Variants in ABL1 observed in about 807,000 individuals in gnomAD.
The protein encoded by ABL1 is ABL proto-oncogene 1, non-receptor tyrosine kinase.
A neutral mutation model predicts 94.7 loss-of-function variants in ABL1; 11 were observed. The ratio of observed to expected loss-of-function variants is 0.12; its 90% CI spans 0.07 to 0.19. ABL1 has a LOEUF of 0.19. Ranked by LOEUF, ABL1 falls within the 10% of genes least tolerant of loss-of-function variation. ABL1 has a pLI of 1.00. For synonymous variants in ABL1, 656 were observed against 622.4 expected (o/e 1.05, Z -0.80); for missense variants, 1,082 against 1,489.4 (o/e 0.73, Z 4.50).
intron 1 of ABL1, among the ~76,000 whole-genome samples, chr9:130,796,724 T>A (rs1829977718): frequency 6.6e-6 from 1 of 150,630 alleles, no homozygotes; most frequent in African/African-American, 2.5e-5. Flanking sequence ...GGTAAAAAAA[T>A]AAATAAATAA....
intron 1 of ABL1, among the ~76,000 whole-genome samples, chr9:130,804,832 T>C (rs1830104661): frequency 6.6e-6 from 1 of 152,202 alleles, no homozygotes; most frequent in Admixed American, 6.5e-5. Context: ...GAAGGATGCA[T>C]AGACTTGTTT....
chr9:130,841,934 G>T (rs992435197), intron 1 of ABL1, among the ~76,000 whole-genome samples: 1 of 139,316 alleles, frequency 7.2e-6, no homozygotes, highest in African/African-American at 3.1e-5. Context: ...GTGGGAAGGA[G>T]ATAGAGAGAG....
At position 130,884,239 on chromosome 9, in the gene ABL1, C is replaced by T. The variant is rs1831522458; in HGVS notation, c.1949C>T (p.Pro650Leu). ...DISNGALAFT[P>L]LDTADPAKSP... ...AGCAACGGGGCACTGGCTTTCACCC[C>T]CTTGGACACAGCTGACCCAGCCAAG... is the stretch of plus-strand genomic sequence containing the variant. The change falls in exon 11 of 11, where the codon CCC (proline) becomes CTC (leucine). Residue 650 changes from proline to leucine, a missense_variant. Around this residue, in one of 7 missense-constraint regions of ABL1, gnomAD observed 780 missense variants for 835.8 expected, o/e 0.93. Coordinates refer to ENST00000318560, the MANE Select transcript of ABL1 (RefSeq NM_005157.6). This position sits in a 1 kb window ranked among gnomAD's most constrained non-coding sequence, Gnocchi z 5.6. 4 of 1,604,592 alleles carry T rather than the reference C, an allele frequency of 2.5e-6. No homozygotes were observed. Among genetic ancestry groups the T allele is most frequent in the Non-Finnish European group, 3.4e-6 (4 of 1,175,902 alleles).
At chr9:130,843,063 C>T (rs1176739910) in intron 1 of ABL1, among the ~76,000 whole-genome samples, 3 of 152,212 alleles carry the variant, frequency 2.0e-5, no homozygotes, top group African/African-American at 4.8e-5. Flanking sequence ...TTCAACTTTA[C>T]TATCTGTCAT....
intron 8 of ABL1, among the ~76,000 whole-genome samples, chr9:130,879,303 C>G (rs934752076): frequency 2.0e-5 from 3 of 152,202 alleles, no homozygotes; most frequent in African/African-American, 2.4e-5. Context: ...TGTTTTCCCA[C>G]ACATGTCTTT....
At chr9:130,725,976 G>C (rs929989725) in intron 1 of ABL1, among the ~76,000 whole-genome samples, 4 of 150,216 alleles carry the variant, frequency 2.7e-5, no homozygotes, top group African/African-American at 9.8e-5. Context: ...AGCCTCTCGA[G>C]TAGCTGGGAC....
At position 130,885,578 on chromosome 9, in the gene ABL1, G is replaced by A. The variant is rs1831565241; in HGVS notation, c.3288G>A (p.Glu1096=). The A allele has an allele frequency of 1.2e-6, 2 of 1,613,968 alleles. No individual in the cohort carries two copies. The highest frequency in any genetic ancestry group is 1.7e-6 in the Non-Finnish European group (2 of 1,180,050). The change falls in exon 11 of 11, where the codon GAG becomes GAA. Residue 1096 remains glutamate, a synonymous_variant. Coordinates refer to ENST00000318560, the MANE Select transcript of ABL1 (RefSeq NM_005157.6). ...AINKLENNLR[E]LQICPATAGS... is the part of the protein sequence containing the mutation. ...ACAAACTGGAGAATAATCTCCGGGAGCTTCAGATCTGCCCGGCGACAGCAG... is the reference window on the plus strand; with the variant it reads ...ACAAACTGGAGAATAATCTCCGGGAACTTCAGATCTGCCCGGCGACAGCAG...
intron 1 of ABL1, among the ~76,000 whole-genome samples, chr9:130,823,505 G>A (rs1830389922): frequency 6.6e-6 from 1 of 152,122 alleles, no homozygotes; most frequent in African/African-American, 2.4e-5. Flanking sequence ...GACAGTCGCG[G>A]TCCTGGAGGG....
At chr9:130,845,971 G>T (rs1283875098) in intron 1 of ABL1, among the ~76,000 whole-genome samples, 1 of 152,072 alleles carries the variant, frequency 6.6e-6, no homozygotes, top group Non-Finnish European at 1.5e-5. Context: ...GCTACTGCTG[G>T]TTCTTTACGT....
At chr9:130,828,734 G>C (rs990467625) in intron 1 of ABL1, among the ~76,000 whole-genome samples, 2 of 151,968 alleles carry the variant, frequency 1.3e-5, no homozygotes, top group Admixed American at 1.3e-4. Flanking sequence ...AAGAAAATTA[G>C]AAACTCAATC....
At chr9:130,803,912 GAATT>G (rs1406575814) in intron 1 of ABL1, among the ~76,000 whole-genome samples, 1 of 152,110 alleles carries the variant, frequency 6.6e-6, no homozygotes, top group Non-Finnish European at 1.5e-5. Flanking sequence ...AGTGTTTTAA[GAATT>G]AATGAGGCAA....
rs1472186366 is a variant in ABL1 at position 130,862,577 on chromosome 9, G to T, written c.550-186G>T. On this transcript the variant is annotated intron_variant, in intron 3 of 10. Transcript: ENST00000318560. This position sits in a 1 kb window ranked among gnomAD's most constrained non-coding sequence, Gnocchi z 5.5. ...TTTTATTGTGTCTTTTTGCTTGAGC[G>T]AGTAACTTAGAGCACACGTAGAGAA... Among the ~76,000 whole-genome samples the T allele has an allele frequency of 2.0e-5, 3 of 152,144 alleles. No individual in the cohort carries two copies. The highest frequency in any genetic ancestry group is 6.5e-5 in the Admixed American group (1 of 15,274).
chr9:130,725,009 C>A, intron 1 of ABL1: 1 of 267,968 alleles, frequency 3.7e-6, no homozygotes, highest in South Asian at 4.1e-5. Flanking sequence ...ACGTGTGCAT[C>A]ATATTGCAAC....
chr9:130,790,847 G>C (rs1229463521), intron 1 of ABL1, among the ~76,000 whole-genome samples: 1 of 152,168 alleles, frequency 6.6e-6, no homozygotes, highest in Non-Finnish European at 1.5e-5. Context: ...ATTCAATTAA[G>C]TAGGGAATTC....
At chr9:130,817,355 A>G (rs1430750223) in intron 1 of ABL1, among the ~76,000 whole-genome samples, 1 of 152,240 alleles carries the variant, frequency 6.6e-6, no homozygotes, top group Non-Finnish European at 1.5e-5. Flanking sequence ...TGGCATGCTT[A>G]TACTGGTCCA....
intron 1 of ABL1, among the ~76,000 whole-genome samples, chr9:130,750,401 C>T (rs1309722409): frequency 0.016 from 121 of 7,582 alleles, 2 homozygotes; most frequent in Admixed American, 0.018. Context: ...CCTTCCCTTC[C>T]TCCCTCCCTC....
chr9:130,822,829 G>A (rs947287951), intron 1 of ABL1, among the ~76,000 whole-genome samples: 3 of 150,600 alleles, frequency 2.0e-5, no homozygotes, highest in Non-Finnish European at 4.4e-5. Context: ...ATGGAGTCTC[G>A]CTCTGTCACC....
At chr9:130,855,893 G>C (rs1166574950) in intron 3 of ABL1, among the ~76,000 whole-genome samples, 1 of 151,612 alleles carries the variant, frequency 6.6e-6, no homozygotes, top group Admixed American at 6.6e-5. Flanking sequence ...AGTGTTGATA[G>C]GTGGTCCCGA....
chr9:130,847,896 G>A lies in ABL1; in HGVS notation c.80-6168G>A, dbSNP rs377157907. ...CTTTAACCCACACTTCAAGTGGATGGCCACCTCTGGGCGGGGATCTGCATT... is the reference window on the plus strand; with the variant it reads ...CTTTAACCCACACTTCAAGTGGATGACCACCTCTGGGCGGGGATCTGCATT... On this transcript the variant is annotated intron_variant, in intron 1 of 10. Transcript: ENST00000318560. Among the ~76,000 whole-genome samples the A allele has an allele frequency of 1.2e-4, 18 of 152,274 alleles. 1 individual carries two copies. In the South Asian group the frequency reaches 1.5e-3, roughly 12 times the overall value.
Sources: gnomAD v4.1 joint callset for allele counts (sites outside exome capture counted in the v4.1 genomes callset) on GRCh38, gnomAD v4.1.1 for gene constraint, gnomAD v4.1.1 regional missense constraint, Gnocchi (gnomAD v3.1) non-coding constraint, MANE v1.5 for transcripts, NCBI Gene and HGNC (gene_info 2026-07-23, HGNC 2026-07-21) for gene names.